VPS35L: variants seen among roughly 807,000 people sequenced by gnomAD.
VPS35L encodes VPS35 endosomal protein-sorting factor-like.
VPS35L carries 83 observed loss-of-function variants against 133.0 expected under a neutral mutation model. That is an observed-to-expected ratio of 0.62 (90% CI 0.52 to 0.75). The LOEUF is 0.75. Among genes scored for constraint, VPS35L ranks in the 30% least tolerant of loss-of-function variants. The pLI, the probability that VPS35L is intolerant of heterozygous loss-of-function variation, is 0.00. For synonymous variants in VPS35L, 423 were observed against 449.9 expected, an observed-to-expected ratio of 0.94 and a Z score of 0.76; for missense variants, 1,083 against 1,206.8, an observed-to-expected ratio of 0.90 and a Z score of 1.52.
chr16:19,569,507 C>T lies in VPS35L; in HGVS notation c.201C>T (p.Asp67=). ...TSSSSSSSVV[D]PLSSVLDGTD... ...CCTCCTCCTCCAGCTCCGTGGTGGA[C>T]CCGCTGAGCAGCGTCCTCGATGGGA... The change falls in exon 3 of 31, where the codon GAC becomes GAT. Residue 67 remains aspartate (D), a synonymous_variant. Transcript: ENST00000417362. The T allele has an allele frequency of 1.2e-6, 2 of 1,610,896 alleles. No homozygotes were observed. Among genetic ancestry groups the T allele is most frequent in the East Asian group, 2.2e-5 (1 of 44,840 alleles).
At chr16:19,580,064 G>A (rs1386071712) in intron 6 of VPS35L, among the ~76,000 whole-genome samples, 1 of 150,424 alleles carries the variant, frequency 6.6e-6, no homozygotes, top group African/African-American at 2.4e-5. Flanking sequence ...GCTGGGCATG[G>A]TGGCGGATGC....
intron 27 of VPS35L, among the ~76,000 whole-genome samples, chr16:19,674,434 G>A (rs1156440606): frequency 4.0e-5 from 6 of 151,778 alleles, no homozygotes; most frequent in Non-Finnish European, 2.9e-5. Flanking sequence ...GAGCTCAAGT[G>A]ATCTGCCTGC....
At chr16:19,659,271 G>A (rs1328342188) in intron 26 of VPS35L, among the ~76,000 whole-genome samples, 3 of 152,128 alleles carry the variant, frequency 2.0e-5, no homozygotes, top group Non-Finnish European at 4.4e-5. Context: ...TAGTATCTCC[G>A]AGGTAGGAGT....
At chr16:19,587,278 A>G (rs1971896921) in intron 7 of VPS35L, 1 of 441,012 alleles carries the variant, frequency 2.3e-6, no homozygotes, top group African/African-American at 2.0e-5. Flanking sequence ...GGGAACACAG[A>G]GCCAAACCAT....
At chr16:19,651,327 C>T (rs7199813) in intron 25 of VPS35L, among the ~76,000 whole-genome samples, 7,520 of 151,830 alleles carry the variant, frequency 0.05, 605 homozygotes, top group African/African-American at 0.17. Context: ...GCAGGAGTGC[C>T]GTGGCACCAT....
intron 14 of VPS35L, among the ~76,000 whole-genome samples, chr16:19,623,392 C>A (rs116033858): frequency 6.6e-6 from 1 of 152,142 alleles, no homozygotes; most frequent in African/African-American, 2.4e-5. Context: ...TCCTTGCTGT[C>A]TCTTCCTATA....
rs894993501 is a variant in VPS35L at position 19,623,920 on chromosome 16, T to C, written c.1225-2257T>C. On this transcript the variant is annotated intron_variant, in intron 14 of 30. Transcript: ENST00000417362. ...CCAGGCTCAAGTGATGCCCCCACCT[T>C]AGCCTTCTGACTAGCTGGGACTATA... Among the ~76,000 whole-genome samples the C allele has an allele frequency of 2.7e-5, 4 of 148,496 alleles. No homozygotes were observed. The Admixed American group carries it at 2.7e-4, about 10-fold the overall frequency.
At chr16:19,682,204 C>CT (rs1356220477) in intron 27 of VPS35L, 21 bp from the exon 28 acceptor site, 3 of 1,603,870 alleles carry the variant, frequency 1.9e-6, no homozygotes, top group Admixed American at 1.7e-5. Flanking sequence ...ATTATTTATC[C>CT]TTTTTTCGGT....
At chr16:19,684,267 C>T (rs898580948) in intron 28 of VPS35L, among the ~76,000 whole-genome samples, 2 of 152,188 alleles carry the variant, frequency 1.3e-5, no homozygotes, top group African/African-American at 4.8e-5. Flanking sequence ...CAAGTATCCT[C>T]CTGCCTGGCG....
At chr16:19,612,845 C>G (rs1045951841) in intron 12 of VPS35L, among the ~76,000 whole-genome samples, 1 of 152,160 alleles carries the variant, frequency 6.6e-6, no homozygotes, top group Non-Finnish European at 1.5e-5. Flanking sequence ...GCAGATGCAA[C>G]TTGAAACACA....
At chr16:19,640,587 G>A (rs926117069) in intron 21 of VPS35L, among the ~76,000 whole-genome samples, 6 of 152,126 alleles carry the variant, frequency 3.9e-5, no homozygotes, top group Admixed American at 3.9e-4. Context: ...TTATGTAGCT[G>A]ACTAATGTGT....
At chr16:19,567,290 G>A (rs1042346171) in intron 2 of VPS35L, among the ~76,000 whole-genome samples, 14 of 152,186 alleles carry the variant, frequency 9.2e-5, no homozygotes, top group Admixed American at 7.9e-4. Flanking sequence ...AACATCAGCA[G>A]CAGGAAAATG....
chr16:19,636,054 C>T lies in VPS35L; in HGVS notation c.1636-1540C>T, dbSNP rs895206784. On this transcript the variant is annotated intron_variant, in intron 19 of 30. Coordinates refer to ENST00000417362, the MANE Select transcript of VPS35L (RefSeq NM_020314.7). ...TATAAAAATTAGATGGGTGTGGTGGCGTGCACCTGTGGTCCCAGCTACCCT... is the reference window on the plus strand; with the variant it reads ...TATAAAAATTAGATGGGTGTGGTGGTGTGCACCTGTGGTCCCAGCTACCCT... 2.6e-5 allele frequency among the ~76,000 whole-genome samples: 4 copies of T among 151,970 alleles called. No homozygotes were observed. In the East Asian group the frequency reaches 5.8e-4, roughly 22 times the overall value.
chr16:19,666,931 T>TCTTTCTTTCTTC (rs1974701266), intron 26 of VPS35L, among the ~76,000 whole-genome samples: 1 of 79,922 alleles, frequency 1.3e-5, no homozygotes, highest in Non-Finnish European at 2.6e-5. Flanking sequence ...TTTCTTTCTT[T>TCTTTCTTTCTTC]CTTCCTTTCT....
chr16:19,682,447 A>C, intron 28 of VPS35L, 57 bp downstream of exon 28: 1 of 1,540,294 alleles, frequency 6.5e-7, no homozygotes, highest in East Asian at 2.3e-5. Flanking sequence ...AAAGGCAGAC[A>C]GAATGCTTTC....
At chr16:19,584,349 G>A (rs1429312235) in intron 7 of VPS35L, among the ~76,000 whole-genome samples, 3 of 152,082 alleles carry the variant, frequency 2.0e-5, no homozygotes, top group Non-Finnish European at 4.4e-5. Context: ...CTTTTCGGCT[G>A]GGTGTGGTGG....
Position 19,609,034 on chromosome 16 carries a change from G to A in VPS35L, c.929+13G>A, listed in dbSNP as rs114368743. 9,005 of 1,611,288 alleles carry A rather than the reference G, an allele frequency of 5.6e-3. 256 individuals are homozygous for A. The African/African-American group carries it at 0.079, about 14-fold the overall frequency. ...TCCTCTCCAAAACGTAAGGCTCTTC[G>A]GTAAAATCTAGAACCATAAAATTTC... On this transcript the variant is annotated intron_variant, in intron 11 of 30. Coordinates refer to ENST00000417362, the MANE Select transcript of VPS35L (RefSeq NM_020314.7).
At chr16:19,614,093 G>A (rs1011604396) in intron 12 of VPS35L, among the ~76,000 whole-genome samples, 9 of 152,096 alleles carry the variant, frequency 5.9e-5, no homozygotes, top group Non-Finnish European at 1.3e-4. Context: ...ACTCACAGCC[G>A]CTTCAGCTCA....
intron 30 of VPS35L, among the ~76,000 whole-genome samples, 167 bp from the exon 31 acceptor site, chr16:19,700,211 G>A (rs928941187): frequency 2.6e-5 from 4 of 152,200 alleles, no homozygotes; most frequent in Non-Finnish European, 4.4e-5. Context: ...AGGGCAAGCT[G>A]CAATCCAAGA....
Sources: gnomAD v4.1 joint callset for allele counts (sites outside exome capture counted in the v4.1 genomes callset) on GRCh38, gnomAD v4.1.1 for gene constraint, MANE v1.5 for transcripts, NCBI Gene and HGNC (gene_info 2026-07-23, HGNC 2026-07-21) for gene names.